Variants in TJP1 observed in about 807,000 individuals in gnomAD.
The protein encoded by TJP1 is tight junction protein 1.
A neutral mutation model predicts 194.2 loss-of-function variants in TJP1; 43 were observed. The observed-to-expected ratio is 0.22, with a 90% CI of 0.17 to 0.29. The LOEUF is 0.29. Among genes scored for constraint, TJP1 ranks in the 10% least tolerant of loss-of-function variants. The pLI is 1.00. For missense variants in TJP1, 1,971 were observed against 2,185.7 expected (o/e 0.90, Z 1.96); for synonymous variants, 801 against 779.0 (o/e 1.03, Z -0.47).
intron 2 of TJP1, among the ~76,000 whole-genome samples, chr15:29,828,520 C>T (rs1452372554): frequency 6.6e-6 from 1 of 152,096 alleles, no homozygotes; most frequent in Admixed American, 6.5e-5. Context: ...TTCACTGATA[C>T]TGCCAAATTG....
intron 1 of TJP1, among the ~76,000 whole-genome samples, chr15:29,967,090 T>C (rs894170133): frequency 5.3e-5 from 8 of 151,870 alleles, no homozygotes; most frequent in Admixed American, 2.0e-4. Flanking sequence ...CTTGGCTCAC[T>C]GCAACCTCTG....
chr15:29,790,482 G>A (rs530058736), intron 2 of TJP1, among the ~76,000 whole-genome samples: 59 of 152,256 alleles, frequency 3.9e-4, no homozygotes, highest in Non-Finnish European at 4.0e-4. Flanking sequence ...AATGTGTAAC[G>A]ATTAAATCAG....
At chr15:29,777,876 G>A (rs556743163) in intron 2 of TJP1, among the ~76,000 whole-genome samples, 8 of 152,140 alleles carry the variant, frequency 5.3e-5, no homozygotes, top group South Asian at 2.1e-4. Flanking sequence ...CTTAGTAAAC[G>A]ATTATCCTTT....
intron 8 of TJP1, chr15:29,759,050 C>G (rs1014006600): frequency 6.6e-6 from 1 of 152,198 alleles, no homozygotes; most frequent in Non-Finnish European, 1.5e-5. Context: ...AAACACTTTA[C>G]AGTTTTAACT....
intron 1 of TJP1, among the ~76,000 whole-genome samples, chr15:29,811,454 G>T (rs1277945890): frequency 6.6e-6 from 1 of 151,742 alleles, no homozygotes; most frequent in African/African-American, 2.4e-5. Flanking sequence ...GTGGGAGGGA[G>T]AATGTAAATG....
intron 2 of TJP1, among the ~76,000 whole-genome samples, chr15:29,779,241 G>T (rs976151693): frequency 1.3e-5 from 2 of 152,164 alleles, no homozygotes; most frequent in African/African-American, 4.8e-5. Context: ...TTTGATGTCA[G>T]AGGGCCAAAA....
At chr15:29,815,913 C>CT (rs1395478954) in intron 1 of TJP1, among the ~76,000 whole-genome samples, 2 of 152,122 alleles carry the variant, frequency 1.3e-5, no homozygotes, top group Admixed American at 6.5e-5. Flanking sequence ...AACTACTGTA[C>CT]TTTTTTTCCT....
At position 29,719,905 on chromosome 15, in the gene TJP1, G is replaced by C. The variant is rs1348296431; in HGVS notation, c.2875C>G (p.Pro959Ala). ...VNLTNVRLEE[P>A]TPAPSTSYSP... ...TAAGAGGTGGAAGGAGCTGGGGTGG[G>C]CTCCTCCAGTCTGACATTAGTTAAA... The change falls in exon 20 of 28, where the codon CCC becomes GCC. Residue 959 changes from proline to alanine, a missense_variant. Pro to Ala is a conservative substitution (Grantham distance 27). Transcript: ENST00000614355. The C allele has an allele frequency of 6.2e-7, 1 of 1,614,176 alleles. No homozygotes were observed. Among genetic ancestry groups the C allele is most frequent in the Non-Finnish European group, 8.5e-7 (1 of 1,180,038 alleles).
At chr15:29,741,521 G>A (rs2044419162) in intron 9 of TJP1, 85 bp from the exon 10 acceptor site, 1 of 862,696 alleles carries the variant, frequency 1.2e-6, no homozygotes, top group African/African-American at 1.7e-5. Flanking sequence ...TGATTCATAA[G>A]TTCAGAGAAC....
At chr15:29,725,445 A>G (rs949478116) in intron 18 of TJP1, among the ~76,000 whole-genome samples, 3 of 152,176 alleles carry the variant, frequency 2.0e-5, no homozygotes, top group Non-Finnish European at 4.4e-5. Context: ...GGTAGGGACC[A>G]TGCGGGGGCA....
At chr15:29,966,686 G>A (rs773231473) in intron 1 of TJP1, among the ~76,000 whole-genome samples, 1 of 151,932 alleles carries the variant, frequency 6.6e-6, no homozygotes, top group African/African-American at 2.4e-5. Flanking sequence ...AGTAATGGAT[G>A]AAACAAACAA....
intron 2 of TJP1, among the ~76,000 whole-genome samples, chr15:29,937,435 GA>G (rs1011052384): frequency 6.6e-6 from 1 of 151,982 alleles, no homozygotes; most frequent in Non-Finnish European, 1.5e-5. Context: ...AAAATACTGA[GA>G]AAAAATAGCA....
chr15:29,923,478 T>C (rs571671147), intron 2 of TJP1, among the ~76,000 whole-genome samples: 92 of 152,222 alleles, frequency 6.0e-4, no homozygotes, highest in African/African-American at 2.1e-3. Context: ...CTATCAGCAA[T>C]AAACAGGAAT....
At chr15:29,817,254 G>A (rs2049991592) in intron 1 of TJP1, among the ~76,000 whole-genome samples, 1 of 152,166 alleles carries the variant, frequency 6.6e-6, no homozygotes, top group African/African-American at 2.4e-5. Flanking sequence ...CCGATCATTA[G>A]AGAAATGCAA....
intron 2 of TJP1, among the ~76,000 whole-genome samples, chr15:29,908,026 G>T (rs2053875441): frequency 2.1e-5 from 1 of 47,430 alleles, no homozygotes; most frequent in African/African-American, 8.2e-5. Flanking sequence ...GGAAGATAAA[G>T]TTGAGAAATT....
intron 2 of TJP1, among the ~76,000 whole-genome samples, chr15:29,790,724 A>G (rs1595902066): frequency 1.5e-5 from 2 of 135,120 alleles, no homozygotes; most frequent in South Asian, 5.0e-4. Context: ...CCATCATTCT[A>G]CTCTCTGTCT....
chr15:29,833,881 A>ATATATATATATATTTTTTTTTT (rs1555434000), intron 2 of TJP1, among the ~76,000 whole-genome samples: 3 of 12,614 alleles, frequency 2.4e-4, no homozygotes, highest in Admixed American at 1.3e-3. Context: ...ATATATATAT[A>ATATATATATATATTTTTTTTTT]TTTTTTTTTT....
intron 8 of TJP1, among the ~76,000 whole-genome samples, chr15:29,754,026 G>A (rs923595866): frequency 5.9e-5 from 9 of 152,118 alleles, no homozygotes; most frequent in Non-Finnish European, 1.3e-4. Context: ...TCACCAATCA[G>A]GGTATATACC....
intron 2 of TJP1, among the ~76,000 whole-genome samples, chr15:29,798,820 T>C (rs890593406): frequency 3.9e-5 from 6 of 152,176 alleles, no homozygotes; most frequent in African/African-American, 1.4e-4. Flanking sequence ...GAAATGCTAC[T>C]ATGCAATAAG....
Sources: gnomAD v4.1 joint callset for allele counts (sites outside exome capture counted in the v4.1 genomes callset) on GRCh38, gnomAD v4.1.1 for gene constraint, MANE v1.5 for transcripts, NCBI Gene and HGNC (gene_info 2026-07-23, HGNC 2026-07-21) for gene names.